The following LMNB1 variants were observed in gnomAD, a reference collection of about 807,000 sequenced individuals.
LMNB1 encodes the protein lamin-B1.
In LMNB1, 23 loss-of-function variants were observed where a neutral mutation model predicts 67.1. The observed-to-expected ratio is 0.34, with a 90% CI of 0.25 to 0.49. The LOEUF (loss-of-function observed/expected upper bound fraction) is 0.49, where lower values mean the gene tolerates loss of function less well. LMNB1 is among the 20% of genes least tolerant of loss of function. The pLI is 0.99. For missense variants in LMNB1, 634 were observed against 746.5 expected (o/e 0.85, Z 1.76); for synonymous variants, 281 against 282.9 (o/e 0.99, Z 0.07).
At position 126,826,013 on chromosome 5, in the gene LMNB1, C is replaced by T. The variant is rs777204147; in HGVS notation, c.1517C>T (p.Thr506Ile). The T allele has an allele frequency of 6.2e-6, 10 of 1,613,826 alleles. No individual in the cohort carries two copies. Among genetic ancestry groups the T allele is most frequent in the Non-Finnish European group, 7.6e-6 (9 of 1,179,914 alleles). ...VTIWAANAGVTASPPTDLIWK... is the reference protein window; with the variant it reads ...VTIWAANAGVIASPPTDLIWK... ...ATTTGGGCTGCAAACGCTGGTGTCA[C>T]AGCCAGCCCCCCAACTGACCTCATC... The change falls in exon 9 of 11, where the codon ACA becomes ATA. Residue 506 changes from threonine (T) to isoleucine (I), a missense_variant. Coordinates refer to ENST00000261366, the MANE Select transcript of LMNB1 (RefSeq NM_005573.4).
At chr5:126,807,789 C>T (rs1471409118) in intron 3 of LMNB1, among the ~76,000 whole-genome samples, 4 of 152,066 alleles carry the variant, frequency 2.6e-5, no homozygotes, top group Non-Finnish European at 5.9e-5. Context: ...TTTTAGAGTG[C>T]ATAGCATCTT....
chr5:126,812,824 G>T (rs561123567), intron 5 of LMNB1, among the ~76,000 whole-genome samples: 1 of 147,614 alleles, frequency 6.8e-6, no homozygotes, highest in African/African-American at 2.5e-5. Flanking sequence ...TCCGCCTCCC[G>T]GGTTCACGCC....
chr5:126,807,924 T>A (rs1440945425), intron 3 of LMNB1, among the ~76,000 whole-genome samples: 1 of 152,052 alleles, frequency 6.6e-6, no homozygotes, highest in Non-Finnish European at 1.5e-5. Context: ...CAGGCTGGAG[T>A]GCAGTAGTAC....
intron 5 of LMNB1, among the ~76,000 whole-genome samples, chr5:126,818,309 G>A (rs1043103249): frequency 4.0e-5 from 6 of 150,702 alleles, no homozygotes; most frequent in Non-Finnish European, 7.4e-5. Flanking sequence ...CGTGATCTTG[G>A]CTCACTGCAA....
chr5:126,805,703 A>G lies in LMNB1; in HGVS notation c.642+7A>G, dbSNP rs764660614. ...CAAAAGCATGTATGAAGAGGTAACT[A>G]TATATAATTTTGCTTTGTAAAGGAA... On this transcript the variant is annotated splice_region_variant and intron_variant, in intron 3 of 10. Coordinates refer to ENST00000261366, the MANE Select transcript of LMNB1 (RefSeq NM_005573.4). 2 of 1,595,112 alleles carry G rather than the reference A, an allele frequency of 1.3e-6. No homozygotes were observed. The highest frequency in any genetic ancestry group is 1.7e-5 in the Admixed American group (1 of 57,346).
At chr5:126,800,565 A>C (rs1751244634) in intron 1 of LMNB1, among the ~76,000 whole-genome samples, 1 of 150,906 alleles carries the variant, frequency 6.6e-6, no homozygotes, top group Non-Finnish European at 1.5e-5. Flanking sequence ...TGGTGGTCAG[A>C]AGTTTTCAAA....
chr5:126,779,192 T>G (rs1225020080), intron 1 of LMNB1, among the ~76,000 whole-genome samples: 1 of 152,206 alleles, frequency 6.6e-6, no homozygotes, highest in Non-Finnish European at 1.5e-5. Flanking sequence ...TCATATGTTT[T>G]CGGTTCATAA....
At chr5:126,822,993 G>C (rs1365624141) in intron 8 of LMNB1, 108 bp downstream of exon 8, 1 of 695,072 alleles carries the variant, frequency 1.4e-6, no homozygotes, top group African/African-American at 1.8e-5. Context: ...GGCCGTTAAA[G>C]TACTTTTTAT....
intron 1 of LMNB1, among the ~76,000 whole-genome samples, chr5:126,778,423 G>T (rs898509983): frequency 6.6e-6 from 1 of 152,212 alleles, no homozygotes; most frequent in Admixed American, 6.5e-5. Context: ...TCCTGGGGGT[G>T]GGTCCCGCTT....
At chr5:126,789,329 A>G (rs568179868) in intron 1 of LMNB1, among the ~76,000 whole-genome samples, 1 of 152,268 alleles carries the variant, frequency 6.6e-6, no homozygotes, top group African/African-American at 2.4e-5. Context: ...TTGGTATAAA[A>G]CATTTTAGTA....
At chr5:126,783,650 T>C (rs1279022797) in intron 1 of LMNB1, among the ~76,000 whole-genome samples, 1 of 152,140 alleles carries the variant, frequency 6.6e-6, no homozygotes, top group East Asian at 1.9e-4. Flanking sequence ...CTAGGTAATA[T>C]TTTGCATACC....
intron 4 of LMNB1, 108 bp downstream of exon 4, chr5:126,810,458 C>T (rs972839190): frequency 3.7e-6 from 3 of 810,162 alleles, no homozygotes; most frequent in African/African-American, 3.4e-5. Context: ...AAAAATGATT[C>T]CCCTAGTCTC....
At chr5:126,800,644 C>CTT (rs35363581) in intron 1 of LMNB1, among the ~76,000 whole-genome samples, 246 of 53,922 alleles carry the variant, frequency 4.6e-3, no homozygotes, top group East Asian at 5.9e-3. Context: ...ACTGTATCTT[C>CTT]TTTTTTTTTT....
chr5:126,796,432 C>T (rs1157402352), intron 1 of LMNB1, among the ~76,000 whole-genome samples: 1 of 152,056 alleles, frequency 6.6e-6, no homozygotes, highest in African/African-American at 2.4e-5. Flanking sequence ...GTTCCAGAAC[C>T]AAGTAGTTCA....
In LMNB1 at chr5:126,777,381, A is replaced by T. The variant is rs1750485290; in HGVS notation, c.-128A>T. ...CCCAGGTGCTTCTCCGTTCCTCTAA[A>T]CGCCAGCGTCTGGACGTGAGCGCAG... On this transcript the variant is annotated 5_prime_UTR_variant, in exon 1 of 11. Transcript: ENST00000261366. 8.9e-7 allele frequency: 1 copy of T among 1,123,236 alleles called. No individual in the cohort carries two copies. Among genetic ancestry groups the T allele is most frequent in the African/African-American group, 1.6e-5 (1 of 61,408 alleles). The allele number at this position is 1,123,236 out of a possible 1,614,324, so 69.6% of individuals were successfully genotyped here. A position where few individuals can be genotyped will look rare whatever the true frequency, so the allele number is the denominator to read the frequency against.
rs566539070 is a variant in LMNB1 at position 126,818,603 on chromosome 5, A to G, written c.940-319A>G. ...TACTTTTGGAAGTAAAGGCTTTGTA[A>G]GGGAGCCAGACTTGACTTTTACCAA... On this transcript the variant is annotated intron_variant, in intron 5 of 10. Transcript: ENST00000261366. Among the ~76,000 whole-genome samples the G allele has an allele frequency of 3.9e-5, 6 of 152,346 alleles. No individual in the cohort carries two copies. The East Asian group carries it at 1.2e-3, about 29-fold the overall frequency.
At chr5:126,803,022 T>C (rs1174629859) in intron 1 of LMNB1, among the ~76,000 whole-genome samples, 1 of 151,334 alleles carries the variant, frequency 6.6e-6, no homozygotes, top group African/African-American at 2.4e-5. Context: ...CTATCTCTAC[T>C]ACAAATACAA....
intron 6 of LMNB1, 81 bp from the exon 7 acceptor site, chr5:126,820,829 T>TA: frequency 9.3e-7 from 1 of 1,078,840 alleles, no homozygotes; most frequent in Non-Finnish European, 1.3e-6. Context: ...TGCCCAGCCC[T>TA]TGTTTTTTTG....
At chr5:126,788,292 G>A (rs914599801) in intron 1 of LMNB1, among the ~76,000 whole-genome samples, 3 of 143,174 alleles carry the variant, frequency 2.1e-5, no homozygotes, top group Admixed American at 7.0e-5. Context: ...GAAAGCATGC[G>A]CATATGAGGA....
Sources: allele counts gnomAD v4.1 joint callset (sites outside exome capture counted in the v4.1 genomes callset), GRCh38; gene constraint gnomAD v4.1.1; transcripts MANE v1.5; gene names NCBI Gene and HGNC (gene_info 2026-07-23, HGNC 2026-07-21).